The following ACSBG1 variants were observed in gnomAD, a reference collection of about 807,000 sequenced individuals.
The protein encoded by ACSBG1 is acyl-CoA synthetase bubblegum family member 1.
In ACSBG1, 39 loss-of-function variants were observed where a neutral mutation model predicts 80.2. That is an observed-to-expected ratio of 0.49 (90% CI 0.38 to 0.64). The LOEUF (loss-of-function observed/expected upper bound fraction) is 0.64, where lower values mean the gene tolerates loss of function less well. Among genes scored for constraint, ACSBG1 ranks in the 30% least tolerant of loss-of-function variants. ACSBG1 has a pLI of 0.00. For synonymous variants in ACSBG1, 392 were observed against 379.5 expected, an observed-to-expected ratio of 1.03 and a Z score of -0.38; for missense variants, 828 against 966.4, an observed-to-expected ratio of 0.86 and a Z score of 1.90.
rs373384887 is a variant in ACSBG1 at position 78,182,160 on chromosome 15, G to A, written c.895-15C>T. On this transcript the variant is annotated splice_polypyrimidine_tract_variant and intron_variant, in intron 7 of 13. Transcript: ENST00000258873. ...GTCCACGTGATCTGGAGGACAAGTAGATGGATCCCAGCAGTGTCCACAAGC... is the reference window on the plus strand; with the variant it reads ...GTCCACGTGATCTGGAGGACAAGTAAATGGATCCCAGCAGTGTCCACAAGC... 183 of 1,604,424 alleles carry A rather than the reference G, an allele frequency of 1.1e-4. No homozygotes were observed. The highest frequency in any genetic ancestry group is 4.3e-4 in the African/African-American group (32 of 74,898).
chr15:78,173,655 G>A lies in ACSBG1; in HGVS notation c.2027C>T (p.Pro676Leu). ...RRVNMNAAARPYHIQKWAILE... is the reference protein window; with the variant it reads ...RRVNMNAAARLYHIQKWAILE... ...AATGGCCCACTTCTGGATGTGGTAG[G>A]GCCGGGCCGCCGCGTTCATGTTGAC... Residue 676 changes from proline to leucine, a missense_variant, in exon 13 of 14, where the codon CCC becomes CTC. Pro to Leu is a moderately conservative substitution (Grantham distance 98). Around this residue, in one of 3 missense-constraint regions of ACSBG1, gnomAD observed 201 missense variants for 227.0 expected, o/e 0.89. Coordinates refer to ENST00000258873, the MANE Select transcript of ACSBG1 (RefSeq NM_015162.5). The A allele has an allele frequency of 1.9e-6, 3 of 1,614,172 alleles. No individual in the cohort carries two copies. Among genetic ancestry groups the A allele is most frequent in the Non-Finnish European group, 2.5e-6 (3 of 1,180,038 alleles).
At chr15:78,182,397 CAG>C in intron 7 of ACSBG1, 67 bp downstream of exon 7, 8 of 1,580,764 alleles carry the variant, frequency 5.1e-6, no homozygotes, top group Non-Finnish European at 6.9e-6. Flanking sequence ...GCTACTGGGG[CAG>C]AGCCATGGCC....
At chr15:78,195,464 C>CT (rs2075104905) in intron 2 of ACSBG1, among the ~76,000 whole-genome samples, 1 of 146,918 alleles carries the variant, frequency 6.8e-6, no homozygotes, top group South Asian at 2.1e-4. Flanking sequence ...GCCACCCTGC[C>CT]TTTAAGAGTC....
intron 1 of ACSBG1, among the ~76,000 whole-genome samples, chr15:78,228,046 C>T (rs570407305): frequency 8.5e-5 from 13 of 152,284 alleles, no homozygotes; most frequent in African/African-American, 2.6e-4. Context: ...ATGCATGCAC[C>T]TCCACACCCA....
Position 78,234,560 on chromosome 15 carries a change from G to A in ACSBG1, c.-59C>T. Reference sequence around the variant, plus strand: ...ACCCACTGAGAGAGGCTAGCCTTGAGTGAGCAGTGGGGGTGGGCATGGGGC... The same window carrying A: ...ACCCACTGAGAGAGGCTAGCCTTGAATGAGCAGTGGGGGTGGGCATGGGGC... On this transcript the variant is annotated 5_prime_UTR_variant, in exon 1 of 14. Coordinates refer to ENST00000258873, the MANE Select transcript of ACSBG1 (RefSeq NM_015162.5). 6.4e-7 allele frequency: 1 copy of A among 1,553,122 alleles called. No individual in the cohort carries two copies. Among genetic ancestry groups the A allele is most frequent in the Non-Finnish European group, 8.7e-7 (1 of 1,148,764 alleles).
intron 1 of ACSBG1, among the ~76,000 whole-genome samples, chr15:78,218,579 G>A (rs148081928): frequency 1.4e-4 from 22 of 152,288 alleles, no homozygotes; most frequent in African/African-American, 5.1e-4. Flanking sequence ...CACTTAGTAT[G>A]TGCCAGGCAC....
chr15:78,180,069 AT>A (rs760757814), intron 9 of ACSBG1, among the ~76,000 whole-genome samples: 1 of 152,194 alleles, frequency 6.6e-6, no homozygotes, highest in Non-Finnish European at 1.5e-5. Context: ...GACACATGCC[AT>A]TTTGCACACA....
At position 78,194,490 on chromosome 15, in the gene ACSBG1, T is replaced by G. The variant is rs2075092039; in HGVS notation, c.453+16A>C. On this transcript the variant is annotated intron_variant, in intron 3 of 13. Transcript: ENST00000258873. ...TCTGGGGAGGGGCAAGGCCTTGCCATGAGGGGCCCCCTTACCTTCAGGAAG... is the reference window on the plus strand; with the variant it reads ...TCTGGGGAGGGGCAAGGCCTTGCCAGGAGGGGCCCCCTTACCTTCAGGAAG... The G allele has an allele frequency of 1.1e-5, 17 of 1,613,140 alleles. No individual in the cohort carries two copies. The highest frequency in any genetic ancestry group is 1.4e-5 in the Non-Finnish European group (17 of 1,179,388).
In ACSBG1 at chr15:78,179,771, C is replaced by T. The variant is rs994939547; in HGVS notation, c.1263G>A (p.Lys421=). The part of the protein sequence containing the change: ...QNLTCPGSDL[K]PFTTRLADYL... ...AATCTGCCAGTCTGGTTGTGAAGGG[C>T]TTCAGGTCGCTGGTGGGAGAGGGAG... The change falls in exon 10 of 14, where the codon AAG becomes AAA. Residue 421 remains lysine (K), a synonymous_variant. Transcript: ENST00000258873. The T allele has an allele frequency of 4.3e-6, 7 of 1,612,440 alleles. No individual in the cohort carries two copies. Among genetic ancestry groups the T allele is most frequent in the Non-Finnish European group, 5.9e-6 (7 of 1,179,480 alleles).
chr15:78,225,912 G>A (rs1470910584), intron 1 of ACSBG1, among the ~76,000 whole-genome samples: 4 of 152,188 alleles, frequency 2.6e-5, no homozygotes, highest in Non-Finnish European at 5.9e-5. Flanking sequence ...GCTCAGTGGA[G>A]GAGAATGAGC....
At chr15:78,189,025 C>A (rs1471301865) in intron 5 of ACSBG1, among the ~76,000 whole-genome samples, 2 of 151,630 alleles carry the variant, frequency 1.3e-5, no homozygotes, top group South Asian at 2.1e-4. Context: ...TGAACAGACA[C>A]TTCTCAAAAG....
chr15:78,194,719 C>A lies in ACSBG1; in HGVS notation c.240G>T (p.Ala80=), dbSNP rs560969078. The change falls in exon 3 of 14, where the codon GCG becomes GCT. Residue 80 remains alanine (A), a synonymous_variant. Transcript: ENST00000258873. ...NNAQWDAPEE[A]LWTTRADGRV... is the part of the protein sequence containing the mutation. ...GCCCATCGGCCCGAGTCGTCCACAG[C>A]GCCTCCTCTGTGGGGTGGGGGAGAC... The A allele has an allele frequency of 9.9e-6, 16 of 1,612,052 alleles. No individual in the cohort carries two copies. In the Admixed American group the frequency reaches 2.2e-4, roughly 22 times the overall value.
chr15:78,191,698 G>T (rs2075058171), intron 5 of ACSBG1, among the ~76,000 whole-genome samples: 1 of 152,148 alleles, frequency 6.6e-6, no homozygotes, highest in South Asian at 2.1e-4. Context: ...AGGTTGATGG[G>T]GAATTTCACA....
chr15:78,169,569 G>C lies in ACSBG1; in HGVS notation c.*1875C>G, dbSNP rs530591465. On this transcript the variant is annotated 3_prime_UTR_variant, in exon 14 of 14. Coordinates refer to ENST00000258873, the MANE Select transcript of ACSBG1 (RefSeq NM_015162.5). ...AATAGAGACAGATTTGTCCTTTACA[G>C]AAATTACTGAGTGTGAATAAAAACT... 6.6e-6 allele frequency: 1 copy of C among 152,180 alleles called. No homozygotes were observed. Among genetic ancestry groups the C allele is most frequent in the Non-Finnish European group, 1.5e-5 (1 of 68,030 alleles). 9.4% of individuals were successfully genotyped at this position (152,180 alleles called of 1,614,324 possible).
chr15:78,193,577 A>T lies in ACSBG1; in HGVS notation c.592T>A (p.Tyr198Asn). Residue 198 changes from tyrosine (Y) to asparagine (N), a missense_variant, in exon 5 of 14, where the codon TAC becomes AAC. Tyr to Asn is a moderately radical substitution (Grantham distance 143). This residue lies in a region of ACSBG1 where 356 missense variants were observed against 363.5 expected (regional missense o/e 0.98). Coordinates refer to ENST00000258873, the MANE Select transcript of ACSBG1 (RefSeq NM_015162.5). Reference sequence around the variant, plus strand: ...TTGGCGCAGCAGTCATAAGCGATGTACTGGCAGGCCTCTGGGGAGCTGGTG... The same window carrying T: ...TTGGCGCAGCAGTCATAAGCGATGTTCTGGCAGGCCTCTGGGGAGCTGGTG... ...YTTSSPEACQ[Y>N]IAYDCCANVI... 3.7e-6 allele frequency: 6 copies of T among 1,613,834 alleles called. No homozygotes were observed. The highest frequency in any genetic ancestry group is 5.1e-6 in the Non-Finnish European group (6 of 1,179,828).
intron 5 of ACSBG1, among the ~76,000 whole-genome samples, chr15:78,186,649 G>C (rs1339411805): frequency 1.3e-5 from 2 of 152,034 alleles, no homozygotes; most frequent in Non-Finnish European, 2.9e-5. Flanking sequence ...CAACATACCA[G>C]AATCTCTGGG....
At chr15:78,217,189 C>T (rs116374020) in intron 1 of ACSBG1, among the ~76,000 whole-genome samples, 1,803 of 152,344 alleles carry the variant, frequency 0.012, 39 homozygotes, top group African/African-American at 0.041. Context: ...GGAATAATCA[C>T]AGTACTAGCT....
chr15:78,169,264 A>G lies in ACSBG1; in HGVS notation c.*2180T>C, dbSNP rs2074790163. On this transcript the variant is annotated 3_prime_UTR_variant, in exon 14 of 14. Transcript: ENST00000258873. ...TGTTTTTTTTGTAAACTCTGAGTGG[A>G]CTGTATCATTTGCTATTCTAAACCA... 2 of 293,474 alleles carry G rather than the reference A, an allele frequency of 6.8e-6. No individual in the cohort carries two copies. The highest frequency in any genetic ancestry group is 1.9e-3 in the Middle Eastern group (2 of 1,056). 18.2% of individuals were successfully genotyped at this position (293,474 alleles called of 1,614,324 possible).
chr15:78,194,093 C>T, intron 3 of ACSBG1, 73 bp from the exon 4 acceptor site: 2 of 1,456,776 alleles, frequency 1.4e-6, no homozygotes, highest in East Asian at 2.3e-5. Context: ...TCAGAGCCCC[C>T]ACCCAGACTG....
Sources: gnomAD v4.1 joint callset for allele counts (sites outside exome capture counted in the v4.1 genomes callset) on GRCh38, gnomAD v4.1.1 for gene constraint, gnomAD v4.1.1 regional missense constraint, MANE v1.5 for transcripts, NCBI Gene and HGNC (gene_info 2026-07-23, HGNC 2026-07-21) for gene names.